MAK16: variants seen among roughly 807,000 people sequenced by gnomAD.
MAK16 encodes the protein protein MAK16 homolog.
Under a neutral mutation model 49.9 loss-of-function variants are expected in MAK16, and 12 were observed. The ratio of observed to expected loss-of-function variants is 0.24; its 90% CI spans 0.15 to 0.39. MAK16 has a LOEUF of 0.39. MAK16 is among the 10% of genes least tolerant of loss of function. The pLI, the probability that MAK16 is intolerant of heterozygous loss-of-function variation, is 1.00. For synonymous variants in MAK16, 115 were observed against 126.4 expected, an observed-to-expected ratio of 0.91 and a Z score of 0.60; for missense variants, 292 against 363.7, an observed-to-expected ratio of 0.80 and a Z score of 1.60.
At chr8:33,498,271 C>CAA (rs35740010) in intron 9 of MAK16, among the ~76,000 whole-genome samples, 161 bp from the exon 10 acceptor site, 52,975 of 85,578 alleles carry the variant, frequency 0.62, 15,158 homozygotes, top group African/African-American at 0.64. Flanking sequence ...GACCCCGTCT[C>CAA]AAAAAAAAAA....
In MAK16 at chr8:33,489,759, A is replaced by G. The variant is rs1808748206; in HGVS notation, c.393-526A>G. ...ATCTAAGACATGTGACTATACAGGA[A>G]TGTAAGAACTTTACTCTGGATTCAC... On this transcript the variant is annotated intron_variant, in intron 5 of 9. Transcript: ENST00000360128. The surrounding 1 kb of genome is among the most constrained non-coding windows in gnomAD (Gnocchi z 4.2). Among the ~76,000 whole-genome samples the G allele has an allele frequency of 6.6e-6, 1 of 152,224 alleles. No homozygotes were observed. The highest frequency in any genetic ancestry group is 2.4e-5 in the African/African-American group (1 of 41,466).
Position 33,496,636 on chromosome 8 carries a change from C to T in MAK16, c.534C>T (p.Ile178=). The part of the protein sequence containing the change: ...ERLKQDTYGD[I]YNFPIHAFDK... Reference sequence around the variant, plus strand: ...TTTATGTTCTTCAGTATGGCGACATCTACAACTTCCCCATTCATGCCTTCG... The same window carrying T: ...TTTATGTTCTTCAGTATGGCGACATTTACAACTTCCCCATTCATGCCTTCG... Residue 178 remains isoleucine, a synonymous_variant, in exon 8 of 10, where the codon ATC becomes ATT. Coordinates refer to ENST00000360128, the MANE Select transcript of MAK16 (RefSeq NM_032509.4). 6.2e-7 allele frequency: 1 copy of T among 1,612,806 alleles called. No individual in the cohort carries two copies. The highest frequency in any genetic ancestry group is 1.1e-5 in the South Asian group (1 of 90,968).
chr8:33,487,789 T>C (rs1808711254), intron 1 of MAK16, among the ~76,000 whole-genome samples: 1 of 152,290 alleles, frequency 6.6e-6, no homozygotes, highest in South Asian at 2.1e-4. Context: ...ATATAAAATG[T>C]GATTTCACAG....
Position 33,495,527 on chromosome 8 carries a change from CT to C in MAK16, c.448-12del. Reference sequence around the variant, plus strand: ...CACTGATGAATTAAACAGATTTGCTCTTTCCCCCTTATAGGAAAAGGCATTA... The same window carrying C: ...CACTGATGAATTAAACAGATTTGCTCTTCCCCCTTATAGGAAAAGGCATTA... On this transcript the variant is annotated splice_polypyrimidine_tract_variant and intron_variant, in intron 6 of 9. Transcript: ENST00000360128. The C allele has an allele frequency of 1.2e-6, 2 of 1,610,042 alleles. No homozygotes were observed. Among genetic ancestry groups the C allele is most frequent in the Non-Finnish European group, 1.7e-6 (2 of 1,177,644 alleles).
rs564936972 is a variant in MAK16 at position 33,499,668 on chromosome 8, A to AT, written c.*1048dup. On this transcript the variant is annotated 3_prime_UTR_variant, in exon 10 of 10. Transcript: ENST00000360128. The stretch of plus-strand genomic sequence containing the variant: ...ATCTCTACATATTTTTAGGATATGA[A>AT]TTTTTTTTTCCTGCTGGGTAGATTG... 118 of 178,984 alleles carry AT rather than the reference A, an allele frequency of 6.6e-4. No homozygotes were observed. The Middle Eastern group carries it at 0.017, about 26-fold the overall frequency. 11.1% of individuals were successfully genotyped at this position (178,984 alleles called of 1,614,324 possible). A position where few individuals can be genotyped will look rare whatever the true frequency, so the allele number is the denominator to read the frequency against.
At chr8:33,490,627 T>A (rs1808762929) in intron 6 of MAK16, among the ~76,000 whole-genome samples, 3 of 152,244 alleles carry the variant, frequency 2.0e-5, no homozygotes, top group Admixed American at 2.0e-4. Context: ...AGAATTTTGA[T>A]GTTGCATATT....
At chr8:33,492,675 G>A (rs1829190) in intron 6 of MAK16, among the ~76,000 whole-genome samples, 1 of 151,912 alleles carries the variant, frequency 6.6e-6, no homozygotes, top group South Asian at 2.1e-4. Flanking sequence ...GTGTATGTTC[G>A]TGGCACGTTT....
chr8:33,496,374 A>G (rs537104977), intron 7 of MAK16, among the ~76,000 whole-genome samples: 5 of 152,294 alleles, frequency 3.3e-5, no homozygotes, highest in Non-Finnish European at 5.9e-5. Context: ...TTTGTAGACT[A>G]TTACATTTTA....
Position 33,488,368 on chromosome 8 carries a change from TG to T in MAK16, c.16-9del. 1 of 1,614,158 alleles carries T rather than the reference TG, an allele frequency of 6.2e-7. No individual in the cohort carries two copies. The highest frequency in any genetic ancestry group is 8.5e-7 in the Non-Finnish European group (1 of 1,179,976). ...GAGGATTTGAAATGGGCTTTTACTT[TG>T]TCTTGCAGGTTATCTGGGATACACT... On this transcript the variant is annotated splice_polypyrimidine_tract_variant and intron_variant, in intron 1 of 9. Coordinates refer to ENST00000360128, the MANE Select transcript of MAK16 (RefSeq NM_032509.4).
chr8:33,499,508 A>C lies in MAK16; in HGVS notation c.*879A>C. 2 of 430,546 alleles carry C rather than the reference A, an allele frequency of 4.6e-6. No individual in the cohort carries two copies. The highest frequency in any genetic ancestry group is 8.4e-6 in the Non-Finnish European group (2 of 238,116). 26.7% of individuals were successfully genotyped at this position (430,546 alleles called of 1,614,324 possible). ...AAAAACTGTGTTAATGTACTTGCAA[A>C]TCTCCTGCTGGCTCATGAAACAGCA... On this transcript the variant is annotated 3_prime_UTR_variant, in exon 10 of 10. Transcript: ENST00000360128.
At chr8:33,495,514 A>T in intron 6 of MAK16, 28 bp from the exon 7 acceptor site, 2 of 1,591,160 alleles carry the variant, frequency 1.3e-6, no homozygotes, top group Non-Finnish European at 1.7e-6. Flanking sequence ...CTGATGAATT[A>T]AACAGATTTG....
chr8:33,492,689 G>A (rs953315071), intron 6 of MAK16, among the ~76,000 whole-genome samples: 4 of 152,182 alleles, frequency 2.6e-5, no homozygotes, highest in Middle Eastern at 6.8e-3. Context: ...CACGTTTGTC[G>A]AAAATGAGTT....
Position 33,500,627 on chromosome 8 carries a change from T to A in MAK16, c.*1998T>A. On this transcript the variant is annotated 3_prime_UTR_variant, in exon 10 of 10. Coordinates refer to ENST00000360128, the MANE Select transcript of MAK16 (RefSeq NM_032509.4). ...AGGTCAAAGTTAAATGAAAAAGACC[T>A]AAAAACAGAACCAAAGACAGCCTCT... 1 of 1,088,156 alleles carries A rather than the reference T, an allele frequency of 9.2e-7. No individual in the cohort carries two copies. Among genetic ancestry groups the A allele is most frequent in the Non-Finnish European group, 1.3e-6 (1 of 773,082 alleles). 67.4% of individuals were successfully genotyped at this position (1,088,156 alleles called of 1,614,324 possible). A position where few individuals can be genotyped will look rare whatever the true frequency, so the allele number is the denominator to read the frequency against.
rs1198778943 is a variant in MAK16, at chr8:33,496,683, A to T, written c.581A>T (p.Glu194Val). The change falls in exon 8 of 10, where the codon GAG (glutamate) becomes GTG (valine). Residue 194 changes from glutamate to valine, a missense_variant. Glu to Val is a moderately radical substitution (Grantham distance 121). Transcript: ENST00000360128. Reference sequence around the variant, plus strand: ...TTCGACAAAGCCCTGGAACAACAGGAGGCAGAGAGTGACTCTTCAGATACT... The same window carrying T: ...TTCGACAAAGCCCTGGAACAACAGGTGGCAGAGAGTGACTCTTCAGATACT... Reference protein sequence around the residue: ...HAFDKALEQQEAESDSSDTEE... With the variant: ...HAFDKALEQQVAESDSSDTEE... 1.2e-6 allele frequency: 2 copies of T among 1,613,670 alleles called. No individual in the cohort carries two copies. Among genetic ancestry groups the T allele is most frequent in the South Asian group, 2.2e-5 (2 of 91,036 alleles).
chr8:33,498,886 G>T lies in MAK16; in HGVS notation c.*257G>T. The T allele has an allele frequency of 3.4e-6, 2 of 581,570 alleles. No homozygotes were observed. The highest frequency in any genetic ancestry group is 4.4e-5 in the South Asian group (2 of 45,870). The allele number at this position is 581,570 out of a possible 1,614,324, so 36.0% of individuals were successfully genotyped here. On this transcript the variant is annotated 3_prime_UTR_variant, in exon 10 of 10. Transcript: ENST00000360128. ...TGTGCCCGAGAAACTTAACAGATGA[G>T]TTCTTGAATCTGGGATGAGATGACG...
chr8:33,488,482 C>T (rs1482833829), intron 2 of MAK16, 38 bp from the exon 3 acceptor site: 1 of 1,613,602 alleles, frequency 6.2e-7, no homozygotes, highest in Non-Finnish European at 8.5e-7. Flanking sequence ...TCTTTGGCAA[C>T]CCATTTTATA....
chr8:33,489,413 C>T lies in MAK16; in HGVS notation c.392+274C>T, dbSNP rs1808742711. 9.5e-5 allele frequency: 30 copies of T among 317,378 alleles called. No homozygotes were observed. In the South Asian group the frequency reaches 1.0e-3, roughly 11 times the overall value. The allele number at this position is 317,378 out of a possible 1,614,324, so 19.7% of individuals were successfully genotyped here. On this transcript the variant is annotated intron_variant, in intron 5 of 9. Transcript: ENST00000360128. This position sits in a 1 kb window ranked among gnomAD's most constrained non-coding sequence, Gnocchi z 4.2. ...TTGTTAAGACGGAGTCTCACTCTGT[C>T]GCCCAGGCTGGAATTTGCAGTGGCG...
chr8:33,485,302 C>T, intron 1 of MAK16, 81 bp downstream of exon 1: 1 of 1,578,240 alleles, frequency 6.3e-7, no homozygotes. Context: ...AAAACGCGTA[C>T]GCAGCGGGTC....
intron 1 of MAK16, among the ~76,000 whole-genome samples, chr8:33,487,672 C>T (rs915138856): frequency 1.8e-5 from 2 of 109,622 alleles, no homozygotes; most frequent in African/African-American, 5.9e-5. Context: ...ATCCGCCTGC[C>T]TTGGCACTCA....
Sources: gnomAD v4.1 joint callset for allele counts (sites outside exome capture counted in the v4.1 genomes callset) on GRCh38, gnomAD v4.1.1 for gene constraint, Gnocchi (gnomAD v3.1) non-coding constraint, MANE v1.5 for transcripts, NCBI Gene and HGNC (gene_info 2026-07-23, HGNC 2026-07-21) for gene names.